The following EIF3H variants were observed in gnomAD, a reference collection of about 807,000 sequenced individuals.
The protein encoded by EIF3H is eIF-3-gamma.
Under a neutral mutation model 44.2 loss-of-function variants are expected in EIF3H, and 26 were observed. The ratio of observed to expected loss-of-function variants is 0.59; its 90% CI spans 0.43 to 0.82. EIF3H has a LOEUF of 0.82. EIF3H is among the 40% of genes least tolerant of loss of function. EIF3H has a pLI of 0.00. For missense variants in EIF3H, 359 were observed against 432.8 expected, an observed-to-expected ratio of 0.83 and a Z score of 1.51; for synonymous variants, 166 against 151.9, an observed-to-expected ratio of 1.09 and a Z score of -0.68.
chr8:116,715,079 C>T (rs963700840), intron 2 of EIF3H, among the ~76,000 whole-genome samples: 18 of 152,060 alleles, frequency 1.2e-4, no homozygotes, highest in African/African-American at 3.9e-4. Context: ...CATCACCATA[C>T]AAACTTATTC....
intron 5 of EIF3H, among the ~76,000 whole-genome samples, chr8:116,653,735 A>G (rs923430884): frequency 1.3e-5 from 2 of 152,212 alleles, no homozygotes; most frequent in Admixed American, 1.3e-4. Context: ...CCTGTGATAC[A>G]CATTTTTAAA....
chr8:116,667,268 C>A (rs1301219127), intron 2 of EIF3H, among the ~76,000 whole-genome samples: 1 of 152,048 alleles, frequency 6.6e-6, no homozygotes, highest in Non-Finnish European at 1.5e-5. Context: ...AGTACTTAAC[C>A]CTGAATGAAA....
chr8:116,685,121 C>CAA (rs1233397319), intron 2 of EIF3H, among the ~76,000 whole-genome samples: 1 of 152,160 alleles, frequency 6.6e-6, no homozygotes, highest in Non-Finnish European at 1.5e-5. Context: ...TTAGGTTATA[C>CAA]AAGACTGTGT....
chr8:116,724,061 G>T (rs1814794795), intron 2 of EIF3H, among the ~76,000 whole-genome samples: 1 of 152,128 alleles, frequency 6.6e-6, no homozygotes, highest in Non-Finnish European at 1.5e-5. Flanking sequence ...CTATTACAAA[G>T]CTGGAGTAAT....
At chr8:116,697,336 G>T (rs12541272) in intron 2 of EIF3H, 2 of 385,412 alleles carry the variant, frequency 5.2e-6, no homozygotes, top group African/African-American at 2.1e-5. Context: ...AAACATATGG[G>T]ATACTGAAGA....
At chr8:116,736,287 T>TTGATTGTGGTAGCAGTTA (rs1169262405) in intron 1 of EIF3H, among the ~76,000 whole-genome samples, 2 of 152,168 alleles carry the variant, frequency 1.3e-5, no homozygotes, top group African/African-American at 4.8e-5. Flanking sequence ...GTGGGGAAAC[T>TTGATTGTGGTAGCAGTTA]ATTCTATTAA....
At chr8:116,700,653 T>C (rs1164146029) in intron 2 of EIF3H, among the ~76,000 whole-genome samples, 1 of 152,038 alleles carries the variant, frequency 6.6e-6, no homozygotes, top group Non-Finnish European at 1.5e-5. Flanking sequence ...TCAAGCAACA[T>C]AAAGAAAAGA....
chr8:116,766,221 TG>T (rs1460580824), exon 1 of EIF3H: 2 of 199,826 alleles, frequency 1.0e-5, no homozygotes, highest in African/African-American at 4.7e-5. Flanking sequence ...ACTACTATAC[TG>T]CCAGTCTTTC....
intron 2 of EIF3H, among the ~76,000 whole-genome samples, chr8:116,715,114 T>A (rs1321084741): frequency 6.6e-6 from 1 of 152,064 alleles, no homozygotes; most frequent in Admixed American, 6.6e-5. Flanking sequence ...CACACAAAAA[T>A]AACCCTATGC....
chr8:116,648,573 C>G (rs992256107), intron 6 of EIF3H, among the ~76,000 whole-genome samples: 4 of 152,174 alleles, frequency 2.6e-5, no homozygotes, highest in Non-Finnish European at 5.9e-5. Flanking sequence ...TTTGCATAAC[C>G]TTGGCATTAC....
At chr8:116,678,726 C>T (rs1472260934) in intron 2 of EIF3H, among the ~76,000 whole-genome samples, 9 of 147,508 alleles carry the variant, frequency 6.1e-5, no homozygotes, top group African/African-American at 1.5e-4. Context: ...TCGGCCGCCC[C>T]GTCTGAGAAG....
chr8:116,652,056 C>T (rs1201182213), intron 5 of EIF3H, among the ~76,000 whole-genome samples: 1 of 152,104 alleles, frequency 6.6e-6, no homozygotes, highest in Non-Finnish European at 1.5e-5. Context: ...ACAAAATCGC[C>T]CCACGAGTAC....
rs575851129 is a variant in EIF3H, at chr8:116,703,468, T to C, written c.289+22548A>G. On this transcript the variant is annotated intron_variant, in intron 2 of 7. Transcript: ENST00000521861. ...CGGAGGCCTGACCATCTCCCTGTGA[T>C]GCTGTGCTTCAGCGGTCACGCTCCC... Among the ~76,000 whole-genome samples, 7 of 152,358 alleles carry C rather than the reference T, an allele frequency of 4.6e-5. 1 individual carries two copies. Among genetic ancestry groups the C allele is most frequent in the African/African-American group, 1.7e-4 (7 of 41,590 alleles).
Position 116,755,486 on chromosome 8 carries a change from CAAGAG to C in EIF3H, c.132+175_132+179del, listed in dbSNP as rs569531912. ...AAGCCCCAACTGTCCCGTTAGAAGA[CAAGAG>C]AAGGCTGTCGAAGCTCCTGAACAAA... On this transcript the variant is annotated intron_variant, in intron 1 of 7. Transcript: ENST00000521861. Among the ~76,000 whole-genome samples the C allele has an allele frequency of 4.1e-4, 63 of 152,288 alleles. 1 individual carries two copies. The South Asian group carries it at 0.012, about 29-fold the overall frequency.
At chr8:116,678,920 C>T (rs1171834285) in intron 2 of EIF3H, among the ~76,000 whole-genome samples, 13 of 80,528 alleles carry the variant, frequency 1.6e-4, no homozygotes, top group Non-Finnish European at 2.6e-4. Flanking sequence ...AGGGGCTCCT[C>T]TGCCCGGCCG....
chr8:116,646,715 A>G, intron 6 of EIF3H, 112 bp from the exon 7 acceptor site: 1 of 1,395,694 alleles, frequency 7.2e-7, no homozygotes. Flanking sequence ...TTCCAACCTC[A>G]GTTTTTATCA....
chr8:116,678,246 C>T (rs1586449463), intron 2 of EIF3H, among the ~76,000 whole-genome samples: 1 of 152,074 alleles, frequency 6.6e-6, no homozygotes, highest in South Asian at 2.1e-4. Flanking sequence ...CCGCCAGCCT[C>T]GGCCTCCCGA....
At chr8:116,744,459 A>T (rs188779652) in intron 1 of EIF3H, among the ~76,000 whole-genome samples, 12 of 152,322 alleles carry the variant, frequency 7.9e-5, no homozygotes, top group Middle Eastern at 3.4e-3. Context: ...CATGGTACCA[A>T]CATTAACAAG....
At position 116,747,338 on chromosome 8, in the gene EIF3H, T is replaced by C. The variant is rs565883336; in HGVS notation, c.132+8328A>G. Among the ~76,000 whole-genome samples the C allele has an allele frequency of 3.3e-5, 5 of 152,344 alleles. No homozygotes were observed. The South Asian group carries it at 8.3e-4, about 25-fold the overall frequency. On this transcript the variant is annotated intron_variant, in intron 1 of 7. Transcript: ENST00000521861. ...ACCTCAGCCTGCCAAAGTGCTGGGA[T>C]TACAGGCGGGAGCACGGCCCAATAA...
Sources: gnomAD v4.1 joint callset for allele counts (sites outside exome capture counted in the v4.1 genomes callset) on GRCh38, gnomAD v4.1.1 for gene constraint, MANE v1.5 for transcripts, NCBI Gene and HGNC (gene_info 2026-07-23, HGNC 2026-07-21) for gene names.